NT5DC3: variants seen among roughly 807,000 people sequenced by gnomAD.
NT5DC3 encodes the protein 5'-nucleotidase domain containing 3.
Under a neutral mutation model 67.8 loss-of-function variants are expected in NT5DC3, and 42 were observed. The observed-to-expected ratio is 0.62, with a 90% confidence interval of 0.48 to 0.80. The LOEUF (loss-of-function observed/expected upper bound fraction) is 0.80, where lower values mean the gene tolerates loss of function less well. Ranked by LOEUF, NT5DC3 falls within the 30% of genes least tolerant of loss-of-function variation. NT5DC3 has a pLI of 0.00. For synonymous variants in NT5DC3, 237 were observed against 255.6 expected (o/e 0.93, Z 0.69); for missense variants, 570 against 696.4 (o/e 0.82, Z 2.04).
At chr12:103,758,722 G>A in the NT5DC3 span, among the ~76,000 whole-genome samples, 1 of 152,226 alleles carries the variant, frequency 6.6e-6, no homozygotes, top group Non-Finnish European at 1.5e-5. Context: ...GGAAGAACCA[G>A]GGCCACTGAT....
chr12:103,793,835 G>A (rs1255159447), intron 7 of NT5DC3, 102 bp downstream of exon 7: 2 of 921,114 alleles, frequency 2.2e-6, no homozygotes, highest in Non-Finnish European at 3.6e-6. Flanking sequence ...GAGCACTCAT[G>A]CAGCCTCTGC....
At chr12:103,840,923 C>CA in intron 1 of NT5DC3, 26 bp downstream of exon 1, 1 of 1,308,818 alleles carries the variant, frequency 7.6e-7, no homozygotes, top group Non-Finnish European at 9.9e-7. Flanking sequence ...CCCCAGGCGC[C>CA]GGGGCGGGGT....
At position 103,838,987 on chromosome 12, in the gene NT5DC3, T is replaced by C. The variant is rs142293652; in HGVS notation, c.208+1962A>G. On this transcript the variant is annotated intron_variant, in intron 1 of 13. Coordinates refer to ENST00000392876, the MANE Select transcript of NT5DC3 (RefSeq NM_001031701.3). ...ATGATGGGGGAGATGGGTGGGGCTA[T>C]AAAGACCGAATGAGGGATCTTTATG... 5.9e-5 allele frequency among the ~76,000 whole-genome samples: 9 copies of C among 152,330 alleles called. No individual in the cohort carries two copies. In the South Asian group the frequency reaches 6.2e-4, roughly 11 times the overall value.
chr12:103,800,032 G>A (rs147617258), intron 4 of NT5DC3, among the ~76,000 whole-genome samples: 166 of 152,298 alleles, frequency 1.1e-3, no homozygotes, highest in African/African-American at 3.5e-3. Context: ...ATGTCACGCT[G>A]TGCTACAACA....
chr12:103,784,220 A>T (rs1885673044), intron 12 of NT5DC3, among the ~76,000 whole-genome samples: 1 of 152,234 alleles, frequency 6.6e-6, no homozygotes, highest in Non-Finnish European at 1.5e-5. Flanking sequence ...CTCAGAATTG[A>T]CACTGTATAT....
chr12:103,755,318 G>T, the NT5DC3 span: 2 of 1,614,024 alleles, frequency 1.2e-6, no homozygotes, highest in Non-Finnish European at 1.7e-6. Flanking sequence ...TACCACCTGT[G>T]CTCAGCAGGC....
At chr12:103,763,838 GC>G in the NT5DC3 span, 68 of 442,600 alleles carry the variant, frequency 1.5e-4, no homozygotes, top group African/African-American at 1.3e-3. Context: ...ACAGAGACAG[GC>G]GAGAACAAGA....
At chr12:103,820,111 T>C (rs973396658) in intron 1 of NT5DC3, among the ~76,000 whole-genome samples, 6 of 152,204 alleles carry the variant, frequency 3.9e-5, no homozygotes, top group African/African-American at 7.2e-5. Context: ...GCACAGTCCA[T>C]TGTAGACATA....
rs1240550148 is a variant in NT5DC3 at position 103,773,141 on chromosome 12, C to T, written c.*4688G>A. ...CTATAAGGTTATTCATCTGCATGTT[C>T]TCAGCAAGGGAATCTTGCCATTGCC... On this transcript the variant is annotated 3_prime_UTR_variant, in exon 14 of 14. Coordinates refer to ENST00000392876, the MANE Select transcript of NT5DC3 (RefSeq NM_001031701.3). The T allele has an allele frequency of 2.0e-5, 3 of 152,216 alleles. No homozygotes were observed. The highest frequency in any genetic ancestry group is 4.4e-5 in the Non-Finnish European group (3 of 68,062). The allele number at this position is 152,216 out of a possible 1,614,324, so 9.4% of individuals were successfully genotyped here.
intron 1 of NT5DC3, chr12:103,822,078 G>C (rs919609989): frequency 1.3e-5 from 2 of 151,470 alleles, no homozygotes; most frequent in African/African-American, 4.9e-5. Context: ...ACATTAAAAA[G>C]GTAGAAAAAG....
At chr12:103,794,937 T>C (rs1359460924) in intron 6 of NT5DC3, among the ~76,000 whole-genome samples, 3 of 152,220 alleles carry the variant, frequency 2.0e-5, no homozygotes, top group Non-Finnish European at 2.9e-5. Flanking sequence ...GCACAGGGCC[T>C]CTACGTGGTG....
downstream of NT5DC3, among the ~76,000 whole-genome samples, chr12:103,767,404 G>A (rs974883867): frequency 2.6e-5 from 4 of 152,186 alleles, no homozygotes; most frequent in Non-Finnish European, 4.4e-5. Context: ...TTGATTGCCA[G>A]GGGAATGAGG....
chr12:103,834,331 T>C (rs1038972441), intron 1 of NT5DC3, among the ~76,000 whole-genome samples: 5 of 152,034 alleles, frequency 3.3e-5, no homozygotes, highest in African/African-American at 1.2e-4. Flanking sequence ...AAATCCCAAG[T>C]TAAAAAAGGA....
chr12:103,831,898 T>A (rs1023995432), intron 1 of NT5DC3, among the ~76,000 whole-genome samples: 5 of 147,866 alleles, frequency 3.4e-5, no homozygotes, highest in African/African-American at 1.2e-4. Flanking sequence ...CGCCTCAGCC[T>A]CCCAAGTGGC....
In NT5DC3 at chr12:103,778,169, T is replaced by TA. The variant is rs1425901593; in HGVS notation, c.1395-89_1395-88insT. ...ACTGAAATCAAAATCACTTCTTTTT[T>TA]TAAAAAAAAAAAATAGGACTCATTT... On this transcript the variant is annotated intron_variant, in intron 13 of 13. Coordinates refer to ENST00000392876, the MANE Select transcript of NT5DC3 (RefSeq NM_001031701.3). 5,921 of 1,116,144 alleles carry TA rather than the reference T, an allele frequency of 5.3e-3. 19 individuals are homozygous for TA. The highest frequency in any genetic ancestry group is 0.019 in the East Asian group (506 of 27,078). 69.1% of individuals were successfully genotyped at this position (1,116,144 alleles called of 1,614,324 possible).
At chr12:103,817,575 C>T (rs897881594) in intron 1 of NT5DC3, among the ~76,000 whole-genome samples, 1 of 147,406 alleles carries the variant, frequency 6.8e-6, no homozygotes, top group African/African-American at 2.5e-5. Flanking sequence ...CCATGTACCA[C>T]ATGCTATCAA....
chr12:103,786,726 A>G (rs1885798094), intron 11 of NT5DC3, among the ~76,000 whole-genome samples: 1 of 134,734 alleles, frequency 7.4e-6, no homozygotes, highest in South Asian at 2.4e-4. Flanking sequence ...TCTGTCGCCT[A>G]GGCTAGAGTG....
At chr12:103,799,804 C>A (rs868622231) in intron 4 of NT5DC3, among the ~76,000 whole-genome samples, 11 of 131,550 alleles carry the variant, frequency 8.4e-5, no homozygotes, top group Non-Finnish European at 7.9e-5. Context: ...CTCCACATAC[C>A]AAAAAAAAAA....
At chr12:103,807,293 C>CCCT (rs1272607366) in intron 2 of NT5DC3, among the ~76,000 whole-genome samples, 6 of 152,230 alleles carry the variant, frequency 3.9e-5, no homozygotes, top group Non-Finnish European at 7.3e-5. Flanking sequence ...ACCCATCACT[C>CCCT]CCTCCTTTTA....
Sources: gnomAD v4.1 joint callset for allele counts (sites outside exome capture counted in the v4.1 genomes callset) on GRCh38, gnomAD v4.1.1 for gene constraint, MANE v1.5 for transcripts, NCBI Gene and HGNC (gene_info 2026-07-23, HGNC 2026-07-21) for gene names.